The following SIDT1 variants were observed in gnomAD, a reference collection of about 807,000 sequenced individuals.
SIDT1 encodes SID1 transmembrane family member 1.
A neutral mutation model predicts 107.5 loss-of-function variants in SIDT1; 101 were observed. That is an observed-to-expected ratio of 0.94 (90% CI 0.80 to 1.11). SIDT1 has a LOEUF of 1.11. SIDT1 is among the 50% of genes least tolerant of loss of function. The probability of loss-of-function intolerance (pLI) is 0.00; values close to 1 mark genes in which losing one functional copy is unlikely to be tolerated. For missense variants in SIDT1, 1,076 were observed against 1,058.2 expected, an observed-to-expected ratio of 1.02 and a Z score of -0.23; for synonymous variants, 395 against 398.2, an observed-to-expected ratio of 0.99 and a Z score of 0.10.
At chr3:113,562,058 G>C (rs992905031) in intron 1 of SIDT1, among the ~76,000 whole-genome samples, 7 of 152,126 alleles carry the variant, frequency 4.6e-5, no homozygotes, top group African/African-American at 1.7e-4. Flanking sequence ...AATGCATTCT[G>C]CCAGGCACCA....
intron 10 of SIDT1, among the ~76,000 whole-genome samples, chr3:113,596,913 C>G (rs1384014829): frequency 6.6e-6 from 1 of 152,166 alleles, no homozygotes; most frequent in African/African-American, 2.4e-5. Context: ...TCCCTGGATA[C>G]AGCCATTACT....
chr3:113,609,900 TCTC>T (rs1945617948), intron 17 of SIDT1, among the ~76,000 whole-genome samples: 1 of 152,208 alleles, frequency 6.6e-6, no homozygotes, highest in South Asian at 2.1e-4. Flanking sequence ...TCAAACTTAA[TCTC>T]CTCCTTCCTC....
chr3:113,614,170 A>G (rs540166421), intron 19 of SIDT1, among the ~76,000 whole-genome samples: 1 of 152,340 alleles, frequency 6.6e-6, no homozygotes, highest in Non-Finnish European at 1.5e-5. Context: ...AGCCTGCGGT[A>G]ACCTCACAGG....
intron 4 of SIDT1, among the ~76,000 whole-genome samples, chr3:113,579,030 T>C (rs2107497183): frequency 6.6e-6 from 1 of 152,308 alleles, no homozygotes; most frequent in South Asian, 2.1e-4. Context: ...AAATATTTTC[T>C]TTTTCTATAA....
intron 1 of SIDT1, among the ~76,000 whole-genome samples, chr3:113,536,076 G>A (rs1172771881): frequency 6.6e-6 from 1 of 152,152 alleles, no homozygotes; most frequent in African/African-American, 2.4e-5. Flanking sequence ...CAGAAACCTA[G>A]GCCATACTGT....
At chr3:113,615,500 T>C (rs1260460550) in intron 19 of SIDT1, among the ~76,000 whole-genome samples, 1 of 152,228 alleles carries the variant, frequency 6.6e-6, no homozygotes, top group Non-Finnish European at 1.5e-5. Flanking sequence ...GCATTTCATA[T>C]CATCCTTTTC....
Position 113,612,249 on chromosome 3 carries a change from CA to C in SIDT1, c.1966+56del, listed in dbSNP as rs3215206. On this transcript the variant is annotated intron_variant, in intron 19 of 24. Transcript: ENST00000264852. ...ACACGAATCAACTTTAATGAAAAAG[CA>C]GACACTGCCTTTACTTATGCTGAAT... 6,046 of 1,225,510 alleles carry C rather than the reference CA, an allele frequency of 4.9e-3. 144 individuals are homozygous for C. The Admixed American group carries it at 0.053, about 11-fold the overall frequency. The allele number at this position is 1,225,510 out of a possible 1,614,324, so 75.9% of individuals were successfully genotyped here.
chr3:113,559,937 T>C (rs180714176), intron 1 of SIDT1, among the ~76,000 whole-genome samples: 1 of 152,184 alleles, frequency 6.6e-6, no homozygotes, highest in Admixed American at 6.5e-5. Context: ...CATAGTAGAA[T>C]AATAGATGAT....
intron 23 of SIDT1, among the ~76,000 whole-genome samples, chr3:113,625,715 C>G (rs1946805807): frequency 6.6e-6 from 1 of 152,172 alleles, no homozygotes; most frequent in Non-Finnish European, 1.5e-5. Flanking sequence ...AATGTCTATT[C>G]AGATCTTTTG....
chr3:113,593,078 A>G (rs1409910833), intron 10 of SIDT1, 30 bp downstream of exon 10: 1 of 1,582,004 alleles, frequency 6.3e-7, no homozygotes, highest in Non-Finnish European at 8.7e-7. Context: ...TCAATTCAAA[A>G]TGGTGTCGCA....
At chr3:113,561,141 A>C (rs578212338) in intron 1 of SIDT1, among the ~76,000 whole-genome samples, 23 of 152,304 alleles carry the variant, frequency 1.5e-4, no homozygotes, top group African/African-American at 5.3e-4. Context: ...TCCTTCATTT[A>C]GTTTTGCCTT....
intron 20 of SIDT1, among the ~76,000 whole-genome samples, chr3:113,618,514 T>G (rs1165333392): frequency 6.6e-6 from 1 of 152,240 alleles, no homozygotes; most frequent in Non-Finnish European, 1.5e-5. Context: ...GTCTTCCAAG[T>G]GGCTGTACCG....
intron 9 of SIDT1, among the ~76,000 whole-genome samples, chr3:113,585,549 T>C (rs1412919045): frequency 6.6e-5 from 10 of 152,220 alleles, no homozygotes; most frequent in Non-Finnish European, 1.3e-4. Flanking sequence ...GTTATTTTCA[T>C]AGTTAATTAA....
chr3:113,540,290 C>T (rs1412557990), intron 1 of SIDT1, among the ~76,000 whole-genome samples: 3 of 152,178 alleles, frequency 2.0e-5, no homozygotes, highest in African/African-American at 7.2e-5. Flanking sequence ...GACTCCACAC[C>T]TCTCATTAGG....
intron 7 of SIDT1, among the ~76,000 whole-genome samples, chr3:113,584,111 A>G (rs1459189942): frequency 6.6e-6 from 1 of 152,248 alleles, no homozygotes; most frequent in Non-Finnish European, 1.5e-5. Context: ...ACCACTAGCC[A>G]GTGATTAATC....
At chr3:113,548,596 T>A (rs987955647) in intron 1 of SIDT1, among the ~76,000 whole-genome samples, 3 of 152,146 alleles carry the variant, frequency 2.0e-5, no homozygotes, top group African/African-American at 7.2e-5. Flanking sequence ...ACCTTCATTC[T>A]GTTTCTTAAA....
chr3:113,625,206 G>A (rs9863439), intron 23 of SIDT1, among the ~76,000 whole-genome samples: 3,456 of 151,902 alleles, frequency 0.023, 60 homozygotes, highest in Non-Finnish European at 0.035. Context: ...GCGCAATCTC[G>A]GCTCACTGCA....
the SIDT1 span, among the ~76,000 whole-genome samples, chr3:113,635,013 G>A: frequency 2.9e-4 from 44 of 152,268 alleles, no homozygotes; most frequent in Non-Finnish European, 5.0e-4. Flanking sequence ...GCTTGTAAAC[G>A]TAAGAACCAA....
Position 113,609,210 on chromosome 3 carries a change from G to A in SIDT1, c.1720+674G>A, listed in dbSNP as rs144687035. Among the ~76,000 whole-genome samples the A allele has an allele frequency of 7.8e-4, 118 of 151,746 alleles. 2 individuals are homozygous for A. In the South Asian group the frequency reaches 0.013, roughly 17 times the overall value. ...CCCCAGTAGCTGGGACTACTGGTGC[G>A]CACCACCACGCCCAGCTAATTTTTG... is the stretch of plus-strand genomic sequence containing the variant. On this transcript the variant is annotated intron_variant, in intron 17 of 24. Transcript: ENST00000264852.
Sources: allele counts gnomAD v4.1 joint callset (sites outside exome capture counted in the v4.1 genomes callset), GRCh38; gene constraint gnomAD v4.1.1; transcripts MANE v1.5; gene names NCBI Gene and HGNC (gene_info 2026-07-23, HGNC 2026-07-21).